FGF1: variants seen among roughly 807,000 people sequenced by gnomAD.
FGF1 encodes the protein beta-endothelial cell growth factor.
A neutral mutation model predicts 13.4 loss-of-function variants in FGF1; 9 were observed. The ratio of observed to expected loss-of-function variants is 0.67; its 90% confidence interval spans 0.40 to 1.17. FGF1 has a LOEUF of 1.17. Among genes scored for constraint, FGF1 ranks in the 50% most tolerant of loss-of-function variants. FGF1 has a pLI of 0.01. For missense variants in FGF1, 156 were observed against 192.7 expected, an observed-to-expected ratio of 0.81 and a Z score of 1.13; for synonymous variants, 93 against 79.0, an observed-to-expected ratio of 1.18 and a Z score of -0.94.
chr5:142,607,052 A>G (rs573222362), intron 2 of FGF1, among the ~76,000 whole-genome samples: 12 of 152,316 alleles, frequency 7.9e-5, no homozygotes, highest in Admixed American at 1.3e-4. Flanking sequence ...CTCCGTTCAT[A>G]GTCAATGGGA....
At chr5:142,608,583 TACAC>T (rs1224660347) in intron 2 of FGF1, among the ~76,000 whole-genome samples, 8,957 of 59,738 alleles carry the variant, frequency 0.15, 584 homozygotes, top group African/African-American at 0.3. Context: ...TATATATATA[TACAC>T]ACACACACAC....
At chr5:142,674,050 A>G (rs1772008445) in intron 1 of FGF1, among the ~76,000 whole-genome samples, 1 of 152,170 alleles carries the variant, frequency 6.6e-6, no homozygotes, top group Non-Finnish European at 1.5e-5. Flanking sequence ...CCTGAGGAAC[A>G]GTCCTCACCC....
chr5:142,607,198 G>T (rs543341433), intron 2 of FGF1, among the ~76,000 whole-genome samples: 1 of 152,288 alleles, frequency 6.6e-6, no homozygotes. Flanking sequence ...CTTCTTGGGG[G>T]CAGACAGGGA....
chr5:142,595,893 T>C (rs754778775), intron 3 of FGF1, among the ~76,000 whole-genome samples: 3 of 152,182 alleles, frequency 2.0e-5, no homozygotes, highest in Non-Finnish European at 2.9e-5. Flanking sequence ...GGCCTGACCA[T>C]GGAAAAACAT....
chr5:142,610,128 A>C (rs1156752282), intron 2 of FGF1, among the ~76,000 whole-genome samples: 3 of 152,238 alleles, frequency 2.0e-5, no homozygotes, highest in Non-Finnish European at 4.4e-5. Context: ...GATAATAATT[A>C]GTAACTTCTC....
At chr5:142,648,862 A>G (rs1021018976) in intron 1 of FGF1, among the ~76,000 whole-genome samples, 2 of 152,064 alleles carry the variant, frequency 1.3e-5, no homozygotes, top group Admixed American at 6.5e-5. Flanking sequence ...AGGCCCTGGA[A>G]GAGGTCGGAG....
In FGF1 at chr5:142,627,373, G is replaced by A. The variant is rs186586632; in HGVS notation, c.-34-13212C>T. On this transcript the variant is annotated intron_variant, in intron 1 of 3. Coordinates refer to ENST00000337706, the MANE Select transcript of FGF1 (RefSeq NM_000800.5). ...AGTCAATAATAAAACCCTCAGTCCC[G>A]AAATACCAGTTTATAATGTCATCCC... Among the ~76,000 whole-genome samples the A allele has an allele frequency of 3.4e-3, 511 of 152,130 alleles. 4 individuals are homozygous for A. Among genetic ancestry groups the A allele is most frequent in the Admixed American group, 2.1e-3 (32 of 15,268 alleles).
intron 1 of FGF1, chr5:142,621,308 C>A (rs1761556085): frequency 6.6e-6 from 1 of 152,178 alleles, no homozygotes; most frequent in South Asian, 2.1e-4. Flanking sequence ...CAGGTCTTAG[C>A]CCAAACATTG....
chr5:142,650,535 G>A (rs1199653613), intron 1 of FGF1, among the ~76,000 whole-genome samples: 2 of 152,194 alleles, frequency 1.3e-5, no homozygotes, highest in Non-Finnish European at 2.9e-5. Context: ...TAAGGCTTCA[G>A]TAACCTGCTT....
chr5:142,685,538 C>T (rs1750967723), intron 1 of FGF1: 1 of 152,304 alleles, frequency 6.6e-6, no homozygotes, highest in Admixed American at 6.5e-5. Flanking sequence ...TCTGCCGAAC[C>T]TCAAGGGCTG....
At chr5:142,622,994 T>C (rs752461951) in intron 1 of FGF1, among the ~76,000 whole-genome samples, 2 of 152,272 alleles carry the variant, frequency 1.3e-5, no homozygotes, top group African/African-American at 2.4e-5. Context: ...TGAAAGCCAA[T>C]TATTAAATAT....
At chr5:142,660,468 C>T (rs1437285194) in intron 1 of FGF1, among the ~76,000 whole-genome samples, 2 of 152,244 alleles carry the variant, frequency 1.3e-5, no homozygotes, top group Non-Finnish European at 2.9e-5. Flanking sequence ...GTGGGTTTCT[C>T]CTTCCCTGCC....
At chr5:142,628,472 T>C (rs531417133) in intron 1 of FGF1, among the ~76,000 whole-genome samples, 1 of 152,334 alleles carries the variant, frequency 6.6e-6, no homozygotes, top group South Asian at 2.1e-4. Context: ...ATCGCACCAT[T>C]GTACTCCAGC....
At chr5:142,608,790 ATATAT>A (rs772024425) in intron 2 of FGF1, among the ~76,000 whole-genome samples, 88 of 73,744 alleles carry the variant, frequency 1.2e-3, no homozygotes, top group African/African-American at 3.3e-3. Context: ...AGTATATGTG[ATATAT>A]TATGTGTGTG....
chr5:142,649,956 T>A (rs767638532), intron 1 of FGF1, among the ~76,000 whole-genome samples: 4 of 152,252 alleles, frequency 2.6e-5, no homozygotes, highest in Non-Finnish European at 5.9e-5. Flanking sequence ...GATCACATCT[T>A]GGCCTTTTGG....
chr5:142,612,091 C>T (rs911507404), intron 2 of FGF1, among the ~76,000 whole-genome samples: 2 of 152,210 alleles, frequency 1.3e-5, no homozygotes, highest in African/African-American at 4.8e-5. Flanking sequence ...CCCAAGTTCA[C>T]TTGGAAAATA....
At chr5:142,648,842 C>T (rs961168074) in intron 1 of FGF1, among the ~76,000 whole-genome samples, 2 of 151,768 alleles carry the variant, frequency 1.3e-5, no homozygotes, top group African/African-American at 4.8e-5. Flanking sequence ...AGAATTTAAT[C>T]GATAGGACCA....
chr5:142,596,440 A>T (rs1260012847), intron 3 of FGF1, among the ~76,000 whole-genome samples: 2 of 138,348 alleles, frequency 1.4e-5, no homozygotes, highest in Non-Finnish European at 3.0e-5. Context: ...CCCATTCTCT[A>T]CAATTTTTTT....
At chr5:142,690,237 C>T (rs1751963200), upstream of FGF1, among the ~76,000 whole-genome samples, 1 of 151,888 alleles carries the variant, frequency 6.6e-6, no homozygotes, top group Admixed American at 6.6e-5. Context: ...AGGAGAATGG[C>T]GTGAACCCGG....
Sources: allele counts gnomAD v4.1 joint callset (sites outside exome capture counted in the v4.1 genomes callset), GRCh38; gene constraint gnomAD v4.1.1; transcripts MANE v1.5; gene names NCBI Gene and HGNC (gene_info 2026-07-23, HGNC 2026-07-21).